Variants in CSMD1 observed in about 807,000 individuals in gnomAD.
CSMD1 encodes the protein CUB and sushi domain-containing protein 1.
A neutral mutation model predicts 417.5 loss-of-function variants in CSMD1; 213 were observed. The ratio of observed to expected loss-of-function variants is 0.51; its 90% CI spans 0.46 to 0.57. The LOEUF (loss-of-function observed/expected upper bound fraction) is 0.57, where lower values mean the gene tolerates loss of function less well. Ranked by LOEUF, CSMD1 falls within the 20% of genes least tolerant of loss-of-function variation. The pLI is 0.00. For synonymous variants in CSMD1, 2,862 were observed against 1,736.8 expected (o/e 1.65, Z -16.11); for missense variants, 6,923 against 4,529.7 (o/e 1.53, Z -15.17).
chr8:3,096,769 T>C (rs1214734254), intron 47 of CSMD1, 80 bp downstream of exon 47: 2 of 944,280 alleles, frequency 2.1e-6, no homozygotes, highest in African/African-American at 3.4e-5. Flanking sequence ...TATTCCAGTC[T>C]TTATGTTACT....
intron 2 of CSMD1, among the ~76,000 whole-genome samples, chr8:4,511,465 C>T (rs1802816707): frequency 6.6e-6 from 1 of 152,184 alleles, no homozygotes; most frequent in South Asian, 2.1e-4. Flanking sequence ...ACAGTTTCTT[C>T]TGGTTTCCTG....
chr8:4,441,945 C>G (rs994561525), intron 2 of CSMD1, among the ~76,000 whole-genome samples: 2 of 152,138 alleles, frequency 1.3e-5, no homozygotes, highest in African/African-American at 4.8e-5. Flanking sequence ...AACCATTGTA[C>G]TGAGAAACTC....
At chr8:4,449,467 A>C (rs1050280837) in intron 2 of CSMD1, among the ~76,000 whole-genome samples, 1 of 152,218 alleles carries the variant, frequency 6.6e-6, no homozygotes, top group East Asian at 1.9e-4. Context: ...TTCAGTTATT[A>C]AAACCATCAT....
chr8:4,264,053 C>T (rs1485368380), intron 3 of CSMD1, among the ~76,000 whole-genome samples: 1 of 152,134 alleles, frequency 6.6e-6, no homozygotes, highest in Non-Finnish European at 1.5e-5. Context: ...AGTTTGTTAA[C>T]TACCTGAGCC....
intron 2 of CSMD1, among the ~76,000 whole-genome samples, chr8:4,522,478 G>A (rs996402479): frequency 6.6e-6 from 1 of 152,130 alleles, no homozygotes; most frequent in Non-Finnish European, 1.5e-5. Flanking sequence ...GAACAAAATG[G>A]CAAGACACAA....
intron 1 of CSMD1, among the ~76,000 whole-genome samples, chr8:4,953,026 G>A (rs78122877): frequency 0.021 from 3,255 of 151,814 alleles, 111 homozygotes; most frequent in African/African-American, 0.073. Flanking sequence ...CCACATGTGA[G>A]ATGAGAGTGA....
chr8:4,650,992 A>T (rs1310822238), intron 1 of CSMD1, among the ~76,000 whole-genome samples: 1 of 152,236 alleles, frequency 6.6e-6, no homozygotes, highest in Non-Finnish European at 1.5e-5. Flanking sequence ...ACAAGAAGAA[A>T]TATGGACTTA....
At chr8:3,556,325 A>G (rs1799139546) in intron 10 of CSMD1, among the ~76,000 whole-genome samples, 1 of 148,356 alleles carries the variant, frequency 6.7e-6, no homozygotes, top group South Asian at 2.1e-4. Flanking sequence ...TCCTTCTACT[A>G]TGTCCATGAG....
At chr8:2,951,452 CA>C (rs1476384346) in intron 65 of CSMD1, among the ~76,000 whole-genome samples, 177 bp from the exon 66 acceptor site, 1 of 152,166 alleles carries the variant, frequency 6.6e-6, no homozygotes, top group Non-Finnish European at 1.5e-5. Flanking sequence ...TCAAAAGAAG[CA>C]GGTGCGAAGA....
chr8:4,783,103 T>C (rs376986311), intron 1 of CSMD1, among the ~76,000 whole-genome samples: 3 of 152,328 alleles, frequency 2.0e-5, no homozygotes, highest in South Asian at 2.1e-4. Flanking sequence ...AGTCCACAGA[T>C]ATTCAATCAC....
intron 40 of CSMD1, among the ~76,000 whole-genome samples, chr8:3,149,189 T>C (rs1423464134): frequency 1.3e-5 from 2 of 152,182 alleles, no homozygotes. Flanking sequence ...TCTCGCACAA[T>C]AGTTTATAAA....
intron 2 of CSMD1, among the ~76,000 whole-genome samples, chr8:4,633,681 C>A (rs7817107): frequency 0.17 from 26,446 of 152,074 alleles, 2,955 homozygotes; most frequent in Middle Eastern, 0.28. Flanking sequence ...CTCAGCCTCC[C>A]GAGTAGCTGG....
chr8:3,742,672 C>G (rs1796871612), intron 6 of CSMD1, among the ~76,000 whole-genome samples: 1 of 151,976 alleles, frequency 6.6e-6, no homozygotes, highest in Non-Finnish European at 1.5e-5. Flanking sequence ...CACCTACACT[C>G]AGAGTCAGCA....
chr8:3,034,142 A>G (rs1020601337), intron 50 of CSMD1, among the ~76,000 whole-genome samples: 5 of 152,240 alleles, frequency 3.3e-5, no homozygotes, highest in Non-Finnish European at 7.3e-5. Flanking sequence ...TATTTACTCA[A>G]ATAAACTCTG....
chr8:4,764,933 T>C (rs1030922081), intron 1 of CSMD1, among the ~76,000 whole-genome samples: 1 of 149,706 alleles, frequency 6.7e-6, no homozygotes, highest in Non-Finnish European at 1.5e-5. Context: ...AGGATGGTTA[T>C]TTGAAGGTAA....
Position 3,159,170 on chromosome 8 carries a change from T to C in CSMD1, c.5845-1204A>G, listed in dbSNP as rs573350844. ...TTCTGAAATAGGGAAAAACATAGAG[T>C]TCAAAAGTCTCAAAAAATTTTCATC... On this transcript the variant is annotated intron_variant, in intron 38 of 69. Coordinates refer to ENST00000635120, the MANE Select transcript of CSMD1 (RefSeq NM_033225.6). Among the ~76,000 whole-genome samples the C allele has an allele frequency of 3.9e-5, 6 of 152,174 alleles. No homozygotes were observed. The East Asian group carries it at 7.7e-4, about 20-fold the overall frequency.
chr8:3,826,811 G>A (rs961488909), intron 5 of CSMD1, among the ~76,000 whole-genome samples: 59 of 152,140 alleles, frequency 3.9e-4, no homozygotes, highest in African/African-American at 1.4e-3. Context: ...TTTTGAGACA[G>A]GGTCTCACTC....
intron 5 of CSMD1, among the ~76,000 whole-genome samples, chr8:3,871,018 A>T (rs981429058): frequency 6.6e-6 from 1 of 152,058 alleles, no homozygotes; most frequent in East Asian, 1.9e-4. Context: ...TTTTTTAAAA[A>T]AATTCAATAC....
At chr8:4,700,029 TCA>T (rs1214414154) in intron 1 of CSMD1, among the ~76,000 whole-genome samples, 3 of 152,182 alleles carry the variant, frequency 2.0e-5, no homozygotes. Flanking sequence ...TTAGAAAGCT[TCA>T]CAAAGAGCCA....
Sources: gnomAD v4.1 joint callset for allele counts (sites outside exome capture counted in the v4.1 genomes callset) on GRCh38, gnomAD v4.1.1 for gene constraint, MANE v1.5 for transcripts, NCBI Gene and HGNC (gene_info 2026-07-23, HGNC 2026-07-21) for gene names.